ANKS1B: variants seen among roughly 807,000 people sequenced by gnomAD.
ANKS1B encodes ankyrin repeat and sterile alpha motif domain-containing protein 1B.
Under a neutral mutation model 148.3 loss-of-function variants are expected in ANKS1B, and 36 were observed. The observed-to-expected ratio is 0.24, with a 90% CI of 0.19 to 0.32. ANKS1B has a LOEUF of 0.32. ANKS1B is among the 10% of genes least tolerant of loss of function. ANKS1B has a pLI of 1.00. For synonymous variants in ANKS1B, 542 were observed against 560.8 expected (o/e 0.97, Z 0.47); for missense variants, 1,157 against 1,542.6 (o/e 0.75, Z 4.19).
At chr12:99,085,181 A>T (rs78123114) in intron 15 of ANKS1B, 158 bp from the exon 16 acceptor site, 538 of 632,100 alleles carry the variant, frequency 8.5e-4, no homozygotes, top group African/African-American at 8.3e-3. Context: ...AGAGTCGGTC[A>T]CCTTGTTACT....
rs532853021 is a variant in ANKS1B at position 99,529,377 on chromosome 12, G to A, written c.1273-24736C>T. On this transcript the variant is annotated intron_variant, in intron 9 of 26. Coordinates refer to ENST00000683438, the MANE Select transcript of ANKS1B (RefSeq NM_001352186.2). ...TGTAAAGAAGCCATCAACAAGTTGG[G>A]CGTATTAGCTCACACCTGTAATCCC... Among the ~76,000 whole-genome samples the A allele has an allele frequency of 8.5e-5, 13 of 152,294 alleles. No homozygotes were observed. In the South Asian group the frequency reaches 2.5e-3, roughly 29 times the overall value.
intron 17 of ANKS1B, among the ~76,000 whole-genome samples, chr12:98,853,606 G>A (rs74664522): frequency 0.088 from 13,449 of 152,164 alleles, 960 homozygotes; most frequent in East Asian, 0.19. Flanking sequence ...TTCAGCTTAG[G>A]TGCCACGCTG....
At chr12:99,490,059 A>G (rs2096540885) in intron 10 of ANKS1B, among the ~76,000 whole-genome samples, 1 of 152,194 alleles carries the variant, frequency 6.6e-6, no homozygotes. Context: ...GCTTTAAGCT[A>G]TTATTTTGCC....
intron 12 of ANKS1B, among the ~76,000 whole-genome samples, chr12:99,301,359 C>T (rs1009496997): frequency 1.3e-5 from 2 of 151,908 alleles, no homozygotes; most frequent in African/African-American, 4.8e-5. Context: ...AACCATTACA[C>T]CAGAGGAAAA....
intron 1 of ANKS1B, among the ~76,000 whole-genome samples, chr12:99,963,376 G>T (rs1254095085): frequency 6.6e-6 from 1 of 152,146 alleles, no homozygotes; most frequent in Non-Finnish European, 1.5e-5. Context: ...TTTGTCAAGA[G>T]TTCTCTTCTT....
At chr12:99,552,381 C>A (rs2097228728) in intron 9 of ANKS1B, among the ~76,000 whole-genome samples, 1 of 152,146 alleles carries the variant, frequency 6.6e-6, no homozygotes, top group African/African-American at 2.4e-5. Context: ...AATGAATAGA[C>A]AAATGTTTTT....
chr12:98,981,009 A>C (rs1035782644), intron 17 of ANKS1B, among the ~76,000 whole-genome samples: 1 of 151,910 alleles, frequency 6.6e-6, no homozygotes, highest in Admixed American at 6.6e-5. Context: ...TGTTCAGTTA[A>C]ATTTTTTTTT....
intron 15 of ANKS1B, among the ~76,000 whole-genome samples, chr12:99,142,693 T>C (rs1600921521): frequency 6.6e-6 from 1 of 152,260 alleles, no homozygotes; most frequent in Non-Finnish European, 1.5e-5. Flanking sequence ...TCCACTATAT[T>C]ACAATTAATT....
intron 1 of ANKS1B, among the ~76,000 whole-genome samples, chr12:99,888,969 A>ATCACAC (rs371240111): frequency 2.0e-5 from 3 of 147,196 alleles, no homozygotes; most frequent in Non-Finnish European, 4.5e-5. Flanking sequence ...CCTTCGCCAA[A>ATCACAC]ACACACACAC....
intron 9 of ANKS1B, among the ~76,000 whole-genome samples, chr12:99,543,593 A>G (rs2097146877): frequency 6.6e-6 from 1 of 152,174 alleles, no homozygotes; most frequent in South Asian, 2.1e-4. Context: ...CAATTGATGA[A>G]TGGAGAAACA....
intron 17 of ANKS1B, among the ~76,000 whole-genome samples, chr12:98,915,541 C>T (rs185227047): frequency 2.8e-4 from 42 of 152,100 alleles, no homozygotes; most frequent in Admixed American, 2.4e-3. Context: ...TTAGTAGGGA[C>T]GGGCTTTCAC....
intron 1 of ANKS1B, among the ~76,000 whole-genome samples, chr12:99,926,809 C>T (rs2094488627): frequency 6.6e-6 from 1 of 152,204 alleles, no homozygotes; most frequent in African/African-American, 2.4e-5. Context: ...AGACCTTTCC[C>T]TTTCTCCTCT....
chr12:98,935,359 T>C (rs1404058768), intron 17 of ANKS1B, among the ~76,000 whole-genome samples: 1 of 152,174 alleles, frequency 6.6e-6, no homozygotes, highest in Non-Finnish European at 1.5e-5. Flanking sequence ...TTAATGTGCT[T>C]TTAGATTCAG....
rs188923620 is a variant in ANKS1B, at chr12:99,775,152, C to G, written c.961+396G>C. Among the ~76,000 whole-genome samples the G allele has an allele frequency of 1.3e-3, 196 of 151,970 alleles. 1 individual carries two copies. The highest frequency in any genetic ancestry group is 4.7e-3 in the African/African-American group (194 of 41,458). The stretch of plus-strand genomic sequence containing the variant: ...TAAGAGAGTTGATCTTAAGTGTTCT[C>G]TCCAAAATAAAAAATAAAAAATACT... On this transcript the variant is annotated intron_variant, in intron 7 of 26. Coordinates refer to ENST00000683438, the MANE Select transcript of ANKS1B (RefSeq NM_001352186.2).
intron 9 of ANKS1B, among the ~76,000 whole-genome samples, chr12:99,612,539 A>C (rs1236793126): frequency 3.3e-5 from 5 of 152,152 alleles, no homozygotes; most frequent in Non-Finnish European, 5.9e-5. Context: ...GAATCCTCAA[A>C]GTCCAGCTCC....
At chr12:99,591,438 A>T (rs1050480633) in intron 9 of ANKS1B, among the ~76,000 whole-genome samples, 1 of 152,070 alleles carries the variant, frequency 6.6e-6, no homozygotes, top group African/African-American at 2.4e-5. Flanking sequence ...TACACTCTAT[A>T]TTGGTAAAAA....
At chr12:99,910,333 C>A (rs1159121779) in intron 1 of ANKS1B, among the ~76,000 whole-genome samples, 1 of 116,948 alleles carries the variant, frequency 8.6e-6, no homozygotes, top group African/African-American at 3.4e-5. Flanking sequence ...CCAGCCTGGG[C>A]TACAGGGCAA....
At chr12:99,915,813 G>T (rs2094153809) in intron 1 of ANKS1B, among the ~76,000 whole-genome samples, 1 of 152,156 alleles carries the variant, frequency 6.6e-6, no homozygotes, top group Non-Finnish European at 1.5e-5. Flanking sequence ...GACATTGTTG[G>T]TTCCTTTTAA....
At chr12:99,423,024 G>T (rs2095139905) in intron 11 of ANKS1B, among the ~76,000 whole-genome samples, 1 of 152,152 alleles carries the variant, frequency 6.6e-6, no homozygotes, top group Non-Finnish European at 1.5e-5. Flanking sequence ...ATTCCTTGTT[G>T]ATGACTTCCA....
Sources: allele counts gnomAD v4.1 joint callset (sites outside exome capture counted in the v4.1 genomes callset), GRCh38; gene constraint gnomAD v4.1.1; transcripts MANE v1.5; gene names NCBI Gene and HGNC (gene_info 2026-07-23, HGNC 2026-07-21).